Variants in AKAP19 observed in about 807,000 individuals in gnomAD.
The protein encoded by AKAP19 is small A-kinase anchoring protein.
chr2:190,168,895 A>G, the AKAP19 span, among the ~76,000 whole-genome samples: 9 of 152,048 alleles, frequency 5.9e-5, no homozygotes, highest in African/African-American at 1.2e-4. Flanking sequence ...ACATTTTCCT[A>G]TCTTCTTCTG....
chr2:189,956,510 T>A, the AKAP19 span, among the ~76,000 whole-genome samples: 2 of 152,108 alleles, frequency 1.3e-5, no homozygotes, highest in Admixed American at 1.3e-4. Context: ...CCAAATCTTA[T>A]ATACAAACAT....
chr2:190,162,173 T>A, the AKAP19 span, among the ~76,000 whole-genome samples: 1 of 152,162 alleles, frequency 6.6e-6, no homozygotes, highest in African/African-American at 2.4e-5. Flanking sequence ...AGAAGATTCA[T>A]AAGCAAGATT....
the AKAP19 span, among the ~76,000 whole-genome samples, chr2:189,970,222 A>T: frequency 6.6e-6 from 1 of 152,162 alleles, no homozygotes; most frequent in East Asian, 1.9e-4. Flanking sequence ...TGTCTATAGA[A>T]ATATGCTATA....
the AKAP19 span, among the ~76,000 whole-genome samples, chr2:190,018,621 GTCATTCCATAGA>G: frequency 2.6e-5 from 4 of 151,972 alleles, no homozygotes; most frequent in African/African-American, 9.7e-5. Flanking sequence ...CTCTTTATCA[GTCATTCCATAGA>G]TCTTCATTTC....
chr2:190,048,086 T>A, the AKAP19 span, among the ~76,000 whole-genome samples: 4 of 152,200 alleles, frequency 2.6e-5, no homozygotes, highest in East Asian at 1.9e-4. Flanking sequence ...ATCATCATAC[T>A]GTTTTCGCAT....
At chr2:190,068,657 T>G in the AKAP19 span, among the ~76,000 whole-genome samples, 1 of 152,252 alleles carries the variant, frequency 6.6e-6, no homozygotes, top group East Asian at 1.9e-4. Flanking sequence ...TTTAAATAAT[T>G]AAACCACTAA....
chr2:190,057,419 G>A, the AKAP19 span: 1 of 1,613,562 alleles, frequency 6.2e-7, no homozygotes, highest in Non-Finnish European at 8.5e-7. Context: ...AGATGAGTAT[G>A]AGGATATTTT....
At chr2:189,996,145 A>G in the AKAP19 span, among the ~76,000 whole-genome samples, 2 of 152,228 alleles carry the variant, frequency 1.3e-5, no homozygotes, top group Admixed American at 6.5e-5. Flanking sequence ...CTAGATCTCT[A>G]GCAAGGCCAG....
At chr2:189,989,279 G>A in the AKAP19 span, among the ~76,000 whole-genome samples, 7 of 73,758 alleles carry the variant, frequency 9.5e-5, no homozygotes, top group Admixed American at 3.9e-4. Context: ...TACCTTCCCC[G>A]CAAAAAAAAA....
the AKAP19 span, among the ~76,000 whole-genome samples, chr2:190,053,833 C>A: frequency 7.8e-4 from 119 of 152,046 alleles, 1 homozygote; most frequent in African/African-American, 2.7e-3. Flanking sequence ...ATTGAAATGA[C>A]ATTTATATTA....
the AKAP19 span, among the ~76,000 whole-genome samples, chr2:190,168,707 G>A: frequency 6.6e-6 from 1 of 152,170 alleles, no homozygotes; most frequent in South Asian, 2.1e-4. Context: ...CTCTAGGGCA[G>A]GGGCAAAATG....
the AKAP19 span, among the ~76,000 whole-genome samples, chr2:190,147,891 T>C: frequency 2.0e-5 from 3 of 152,182 alleles, no homozygotes; most frequent in Non-Finnish European, 4.4e-5. Flanking sequence ...TTATTTTTGT[T>C]CTAGGAGCTT....
the AKAP19 span, among the ~76,000 whole-genome samples, chr2:189,945,516 A>G: frequency 1.3e-5 from 2 of 152,218 alleles, no homozygotes; most frequent in Non-Finnish European, 2.9e-5. Context: ...CTGAATTCCT[A>G]TTCACAAAAA....
chr2:190,027,781 G>A, the AKAP19 span, among the ~76,000 whole-genome samples: 3 of 152,154 alleles, frequency 2.0e-5, no homozygotes, highest in African/African-American at 7.2e-5. Flanking sequence ...ATTTTACAAG[G>A]ACTATAAGTA....
chr2:190,050,392 C>T, the AKAP19 span, among the ~76,000 whole-genome samples: 1 of 152,114 alleles, frequency 6.6e-6, no homozygotes, highest in East Asian at 1.9e-4. Context: ...GAGGTTGCCT[C>T]AGGCCAAATT....
At chr2:190,073,780 G>A in the AKAP19 span, among the ~76,000 whole-genome samples, 1 of 151,850 alleles carries the variant, frequency 6.6e-6, no homozygotes, top group Admixed American at 6.6e-5. Flanking sequence ...GGCCGGGTGC[G>A]GTGGCTCACG....
the AKAP19 span, among the ~76,000 whole-genome samples, chr2:190,196,458 C>A: frequency 1.1e-4 from 16 of 148,418 alleles, no homozygotes; most frequent in Admixed American, 5.4e-4. Flanking sequence ...CCTTTATTTT[C>A]TTGGGTATAC....
At chr2:190,109,776 T>C in the AKAP19 span, among the ~76,000 whole-genome samples, 2,396 of 152,218 alleles carry the variant, frequency 0.016, 62 homozygotes, top group African/African-American at 0.053. Flanking sequence ...AACTTCAGAG[T>C]GTGGACTTGC....
At chr2:189,973,250 T>G in the AKAP19 span, among the ~76,000 whole-genome samples, 7 of 152,244 alleles carry the variant, frequency 4.6e-5, no homozygotes, top group Admixed American at 4.6e-4. Flanking sequence ...TCATGTGTTT[T>G]TTTGTCTTTA....
Sources: gnomAD v4.1 joint callset for allele counts (sites outside exome capture counted in the v4.1 genomes callset) on GRCh38, gnomAD v4.1.1 for gene constraint, MANE v1.5 for transcripts, NCBI Gene and HGNC (gene_info 2026-07-23, HGNC 2026-07-21) for gene names.